Variants in KCNB2 observed in about 807,000 individuals in gnomAD.
KCNB2 encodes potassium voltage-gated channel subfamily B member 2, also known as delayed rectifier potassium channel protein.
Under a neutral mutation model 61.5 loss-of-function variants are expected in KCNB2, and 15 were observed. That is an observed-to-expected ratio of 0.24 (90% CI 0.16 to 0.38). The LOEUF (loss-of-function observed/expected upper bound fraction) is 0.38, where lower values mean the gene tolerates loss of function less well. Among genes scored for constraint, KCNB2 ranks in the 10% least tolerant of loss-of-function variants. The probability of loss-of-function intolerance (pLI) is 1.00; values close to 1 mark genes in which losing one functional copy is unlikely to be tolerated. For missense variants in KCNB2, 828 were observed against 1,125.2 expected (o/e 0.74, Z 3.78); for synonymous variants, 457 against 446.0 (o/e 1.02, Z -0.31).
At chr8:72,889,842 A>G (rs1202713655) in intron 2 of KCNB2, among the ~76,000 whole-genome samples, 1 of 152,028 alleles carries the variant, frequency 6.6e-6, no homozygotes, top group Non-Finnish European at 1.5e-5. Flanking sequence ...TGCAACCTCC[A>G]TCTCCTGGGT....
intron 2 of KCNB2, among the ~76,000 whole-genome samples, chr8:72,592,453 C>G (rs200872876): frequency 1.3e-5 from 2 of 149,578 alleles, no homozygotes; most frequent in African/African-American, 4.9e-5. Context: ...ATTATCAACT[C>G]TGTGTGTGTG....
At chr8:72,623,296 A>G (rs1264915843) in intron 2 of KCNB2, among the ~76,000 whole-genome samples, 1 of 152,102 alleles carries the variant, frequency 6.6e-6, no homozygotes, top group Non-Finnish European at 1.5e-5. Flanking sequence ...ACTTCTTGCT[A>G]TTTGCCTTTC....
intron 2 of KCNB2, among the ~76,000 whole-genome samples, chr8:72,800,564 C>A (rs1285798881): frequency 6.6e-6 from 1 of 152,182 alleles, no homozygotes; most frequent in African/African-American, 2.4e-5. Context: ...GTGCCTACCT[C>A]CCTTAGGCTC....
chr8:72,599,283 G>A lies in KCNB2; in HGVS notation c.579+30970G>A, dbSNP rs538133001. Among the ~76,000 whole-genome samples, 211 of 152,184 alleles carry A rather than the reference G, an allele frequency of 1.4e-3. 1 individual carries two copies. The highest frequency in any genetic ancestry group is 4.9e-3 in the African/African-American group (202 of 41,538). On this transcript the variant is annotated intron_variant, in intron 2 of 2. Transcript: ENST00000523207. ...CCAATGGAACAGAACAGAGCCCTCC[G>A]AAATAATGCCGCATATCTACAACTA...
chr8:72,747,765 AC>A (rs1808103535), intron 2 of KCNB2, among the ~76,000 whole-genome samples: 2 of 152,238 alleles, frequency 1.3e-5, no homozygotes, highest in African/African-American at 4.8e-5. Flanking sequence ...CTGAAAGAAT[AC>A]TGTGATTATT....
At chr8:72,884,017 T>C (rs1326173270) in intron 2 of KCNB2, among the ~76,000 whole-genome samples, 1 of 152,250 alleles carries the variant, frequency 6.6e-6, no homozygotes, top group Non-Finnish European at 1.5e-5. Flanking sequence ...AAAATAATTG[T>C]ATTGTTTTAG....
intron 2 of KCNB2, among the ~76,000 whole-genome samples, chr8:72,596,070 C>T (rs1023276723): frequency 5.3e-5 from 8 of 152,140 alleles, no homozygotes; most frequent in African/African-American, 1.9e-4. Context: ...TCTATTATGT[C>T]CTAAGCAATG....
At chr8:72,908,261 A>G (rs1050792133) in intron 2 of KCNB2, among the ~76,000 whole-genome samples, 4 of 152,210 alleles carry the variant, frequency 2.6e-5, no homozygotes, top group Admixed American at 1.3e-4. Context: ...AGTTCCTCAC[A>G]GAAGCATCCC....
intron 2 of KCNB2, among the ~76,000 whole-genome samples, chr8:72,764,718 A>G (rs1808435321): frequency 6.6e-6 from 1 of 152,356 alleles, no homozygotes; most frequent in East Asian, 1.9e-4. Context: ...TAATCATCAC[A>G]GAATAATCCT....
chr8:72,744,213 C>T (rs1162062373), intron 2 of KCNB2, among the ~76,000 whole-genome samples: 1 of 152,092 alleles, frequency 6.6e-6, no homozygotes, highest in Non-Finnish European at 1.5e-5. Flanking sequence ...TAGTAGAGAG[C>T]AGAAGGAGCC....
rs10454354 is a variant in KCNB2, at chr8:72,738,767, G to A, written c.579+170454G>A. ...AAATGCAGCTCAGTACCAGGGCACA[G>A]AGGGTCAAGTTTGAGCATCCCTGGC... On this transcript the variant is annotated intron_variant, in intron 2 of 2. Coordinates refer to ENST00000523207, the MANE Select transcript of KCNB2 (RefSeq NM_004770.3). 1.5e-3 allele frequency among the ~76,000 whole-genome samples: 231 copies of A among 152,280 alleles called. 7 individuals are homozygous for A. The East Asian group carries it at 0.04, about 26-fold the overall frequency.
intron 2 of KCNB2, among the ~76,000 whole-genome samples, chr8:72,624,526 GT>G (rs888249557): frequency 1.5e-4 from 22 of 150,202 alleles, no homozygotes; most frequent in Middle Eastern, 3.4e-3. Flanking sequence ...AGAGATATGG[GT>G]TTTTTTTTTC....
intron 2 of KCNB2, among the ~76,000 whole-genome samples, chr8:72,674,232 T>C (rs1806613615): frequency 1.3e-5 from 2 of 152,242 alleles, no homozygotes; most frequent in African/African-American, 4.8e-5. Context: ...CTGTAAATGG[T>C]GATGATAATA....
At chr8:72,678,510 T>C (rs1342360030) in intron 2 of KCNB2, among the ~76,000 whole-genome samples, 1 of 152,166 alleles carries the variant, frequency 6.6e-6, no homozygotes, top group African/African-American at 2.4e-5. Flanking sequence ...TCAGGGCCTT[T>C]GCACTTTTCT....
chr8:72,916,262 G>A (rs1806397442), intron 2 of KCNB2, among the ~76,000 whole-genome samples: 1 of 152,184 alleles, frequency 6.6e-6, no homozygotes, highest in Admixed American at 6.5e-5. Flanking sequence ...TGATTATAAG[G>A]GAGATTTTTG....
At chr8:72,597,001 CTTTTTTTTTTTTTTTTTTTTTTTTTTTTT>C (rs869160203) in intron 2 of KCNB2, among the ~76,000 whole-genome samples, 102 of 64,666 alleles carry the variant, frequency 1.6e-3, no homozygotes, top group African/African-American at 7.8e-3. Flanking sequence ...TGCTTGCTTG[CTTTTTTTTTTTTTTTTTTTTTTTTTTTTT>C]TTTTTTTTTT....
intron 2 of KCNB2, among the ~76,000 whole-genome samples, chr8:72,815,299 A>G (rs1585908919): frequency 6.6e-6 from 1 of 152,184 alleles, no homozygotes; most frequent in East Asian, 1.9e-4. Context: ...TTAATTTTTT[A>G]CTGCAAACTC....
intron 2 of KCNB2, among the ~76,000 whole-genome samples, chr8:72,747,189 A>G (rs1808089595): frequency 6.6e-6 from 1 of 152,200 alleles, no homozygotes; most frequent in Non-Finnish European, 1.5e-5. Flanking sequence ...AAAAAGGAGC[A>G]GAAGCCACTG....
intron 1 of KCNB2, among the ~76,000 whole-genome samples, chr8:72,538,342 G>C (rs1291616083): frequency 6.6e-6 from 1 of 151,918 alleles, no homozygotes; most frequent in Non-Finnish European, 1.5e-5. Flanking sequence ...GAGGGAGAAC[G>C]GGTCTCTAAG....
Sources: gnomAD v4.1 joint callset for allele counts (sites outside exome capture counted in the v4.1 genomes callset) on GRCh38, gnomAD v4.1.1 for gene constraint, MANE v1.5 for transcripts, NCBI Gene and HGNC (gene_info 2026-07-23, HGNC 2026-07-21) for gene names.